Variants in ANXA4 observed in about 807,000 individuals in gnomAD.
ANXA4 encodes the protein 35-beta calcimedin.
In ANXA4, 39 loss-of-function variants were observed where a neutral mutation model predicts 49.8. That is an observed-to-expected ratio of 0.78 (90% CI 0.61 to 1.02). ANXA4 has a LOEUF of 1.02. Ranked by LOEUF, ANXA4 falls within the 50% of genes least tolerant of loss-of-function variation. The probability of loss-of-function intolerance (pLI) is 0.00; values close to 1 mark genes in which losing one functional copy is unlikely to be tolerated. For synonymous variants in ANXA4, 134 were observed against 152.5 expected (o/e 0.88, Z 0.89); for missense variants, 360 against 410.1 (o/e 0.88, Z 1.05).
chr2:69,673,695 C>A (rs553516167), intron 2 of ANXA4, among the ~76,000 whole-genome samples: 9 of 148,250 alleles, frequency 6.1e-5, no homozygotes, highest in African/African-American at 2.3e-4. Context: ...AAGACACACA[C>A]ACACACACAC....
chr2:69,690,519 A>AT, intron 2 of ANXA4, among the ~76,000 whole-genome samples: 1 of 152,250 alleles, frequency 6.6e-6, no homozygotes, highest in Middle Eastern at 3.4e-3. Context: ...GATTACAGGC[A>AT]TGAGCCACTG....
At chr2:69,756,745 CATACTT>C (rs922466290) in intron 1 of ANXA4, among the ~76,000 whole-genome samples, 1 of 151,692 alleles carries the variant, frequency 6.6e-6, no homozygotes, top group Non-Finnish European at 1.5e-5. Flanking sequence ...AAATTGGAAA[CATACTT>C]AGAATTAATT....
intron 2 of ANXA4, among the ~76,000 whole-genome samples, chr2:69,715,651 G>A (rs1445551622): frequency 2.0e-5 from 3 of 152,316 alleles, no homozygotes; most frequent in East Asian, 1.9e-4. Flanking sequence ...GCAGAGGCAC[G>A]AAGAGGCTTA....
chr2:69,817,840 AT>A (rs1487767934), intron 9 of ANXA4: 1 of 152,244 alleles, frequency 6.6e-6, no homozygotes, highest in Admixed American at 6.5e-5. Context: ...GCTTTTGGCC[AT>A]CCCCGTGAGC....
At chr2:69,645,347 C>G (rs1205396820) in intron 1 of ANXA4, among the ~76,000 whole-genome samples, 2 of 152,200 alleles carry the variant, frequency 1.3e-5, no homozygotes, top group Non-Finnish European at 2.9e-5. Context: ...AAATGCAGCC[C>G]CTATTCCCTC....
intron 3 of ANXA4, among the ~76,000 whole-genome samples, chr2:69,798,016 C>T: frequency 6.6e-6 from 1 of 152,162 alleles, no homozygotes; most frequent in East Asian, 1.9e-4. Flanking sequence ...ATGCTGTCCC[C>T]ACAGCATACC....
At chr2:69,725,197 G>A (rs1669929962) in intron 3 of ANXA4, among the ~76,000 whole-genome samples, 1 of 151,952 alleles carries the variant, frequency 6.6e-6, no homozygotes, top group African/African-American at 2.4e-5. Context: ...TCTGACTCAA[G>A]GTGACATATA....
intron 1 of ANXA4, among the ~76,000 whole-genome samples, chr2:69,645,275 C>T (rs1481439718): frequency 1.3e-5 from 2 of 152,228 alleles, no homozygotes; most frequent in Non-Finnish European, 2.9e-5. Context: ...AGCATCTTTT[C>T]TTCCGGAGAG....
At chr2:69,720,283 G>A (rs570682191) in intron 2 of ANXA4, among the ~76,000 whole-genome samples, 1 of 152,312 alleles carries the variant, frequency 6.6e-6, no homozygotes, top group East Asian at 1.9e-4. Context: ...TCTCTGCACT[G>A]CTTCAAATCC....
At chr2:69,752,680 G>A (rs1670894104) in intron 1 of ANXA4, among the ~76,000 whole-genome samples, 3 of 152,180 alleles carry the variant, frequency 2.0e-5, no homozygotes, top group Admixed American at 6.5e-5. Context: ...GGGCAGGGAC[G>A]ATGCAGCCCC....
At chr2:69,802,709 C>CA (rs777864730) in intron 3 of ANXA4, among the ~76,000 whole-genome samples, 3,089 of 121,994 alleles carry the variant, frequency 0.025, 124 homozygotes, top group African/African-American at 0.078. Context: ...GACTCTGTCT[C>CA]AAAAAAAAAA....
At chr2:69,740,855 G>GTTTTTT (rs10718417), upstream of ANXA4, among the ~76,000 whole-genome samples, 1 of 98,338 alleles carries the variant, frequency 1.0e-5, no homozygotes, top group Non-Finnish European at 2.0e-5. Context: ...CTATATATAT[G>GTTTTTT]TTTTTTTTTT....
intron 1 of ANXA4, among the ~76,000 whole-genome samples, chr2:69,646,827 A>G (rs111254685): frequency 9.9e-5 from 15 of 152,204 alleles, no homozygotes; most frequent in African/African-American, 3.6e-4. Flanking sequence ...ATGCTGACTA[A>G]CTGTATCCCC....
At chr2:69,774,619 C>T (rs902488912) in intron 1 of ANXA4, among the ~76,000 whole-genome samples, 6 of 150,516 alleles carry the variant, frequency 4.0e-5, no homozygotes, top group African/African-American at 4.9e-5. Flanking sequence ...AGATTACAGG[C>T]GTGAGCCACC....
intron 1 of ANXA4, among the ~76,000 whole-genome samples, chr2:69,756,803 A>G (rs542934923): frequency 9.9e-5 from 15 of 152,118 alleles, no homozygotes; most frequent in African/African-American, 3.6e-4. Flanking sequence ...TGCATAATGT[A>G]TATGTCAGTA....
intron 2 of ANXA4, among the ~76,000 whole-genome samples, chr2:69,660,224 G>A (rs1169977947): frequency 6.6e-6 from 1 of 152,104 alleles, no homozygotes; most frequent in African/African-American, 2.4e-5. Context: ...TTTTGACTTT[G>A]CTTAATACTC....
chr2:69,770,587 G>A (rs918193357), intron 1 of ANXA4, among the ~76,000 whole-genome samples: 3 of 152,140 alleles, frequency 2.0e-5, no homozygotes, highest in African/African-American at 7.2e-5. Context: ...CCAAGTTGTG[G>A]TGGGGTCTGA....
Position 69,806,296 on chromosome 2 carries a change from G to T in ANXA4, c.193-89G>T, listed in dbSNP as rs139291496. 12 of 883,212 alleles carry T rather than the reference G, an allele frequency of 1.4e-5. No homozygotes were observed. The African/African-American group carries it at 1.6e-4, about 12-fold the overall frequency. The allele number at this position is 883,212 out of a possible 1,614,324, so 54.7% of individuals were successfully genotyped here. A position where few individuals can be genotyped will look rare whatever the true frequency, so the allele number is the denominator to read the frequency against. ...TTGCAGGCCCCTTGAAAGGGTCTTG[G>T]AGACCCCAGACATCCCTGGACCACA... On this transcript the variant is annotated intron_variant, in intron 4 of 12. Coordinates refer to ENST00000394295, the MANE Select transcript of ANXA4 (RefSeq NM_001153.5).
At chr2:69,799,888 TAAC>T (rs1395504476) in intron 3 of ANXA4, among the ~76,000 whole-genome samples, 2 of 152,204 alleles carry the variant, frequency 1.3e-5, no homozygotes, top group Non-Finnish European at 2.9e-5. Flanking sequence ...TTGCTAACAG[TAAC>T]AACAACCGTA....
Sources: gnomAD v4.1 joint callset for allele counts (sites outside exome capture counted in the v4.1 genomes callset) on GRCh38, gnomAD v4.1.1 for gene constraint, MANE v1.5 for transcripts, NCBI Gene and HGNC (gene_info 2026-07-23, HGNC 2026-07-21) for gene names.